Variants in KMT2D observed in about 807,000 individuals in gnomAD.
The protein encoded by KMT2D is lysine methyltransferase 2D.
Under a neutral mutation model 512.7 loss-of-function variants are expected in KMT2D, and 55 were observed. That is an observed-to-expected ratio of 0.11 (90% CI 0.09 to 0.13). KMT2D has a LOEUF of 0.13. KMT2D is among the 10% of genes least tolerant of loss of function. The probability of loss-of-function intolerance (pLI) is 1.00; values close to 1 mark genes in which losing one functional copy is unlikely to be tolerated. For missense variants in KMT2D, 6,061 were observed against 7,127.9 expected (o/e 0.85, Z 5.39); for synonymous variants, 2,995 against 2,904.0 (o/e 1.03, Z -1.01).
Position 49,026,277 on chromosome 12 carries a change from C to G in KMT2D, c.15689G>C (p.Cys5230Ser), listed in dbSNP as rs2137715091. 6.2e-7 allele frequency: 1 copy of G among 1,611,308 alleles called. No individual in the cohort carries two copies. Among genetic ancestry groups the G allele is most frequent in the Non-Finnish European group, 8.5e-7 (1 of 1,177,566 alleles). ...RTNNRRCCYR[C>S]SIGENNGRPE... ...CCGCCCGTTGTTCTCACCAATAGAA[C>G]AGCGATAGCAGCAGCGACGATTGTT... is the stretch of plus-strand genomic sequence containing the variant. Residue 5230 changes from cysteine (C) to serine (S), a missense_variant, in exon 49 of 55, where the codon TGT becomes TCT. Around this residue, in one of 16 missense-constraint regions of KMT2D, gnomAD observed 261 missense variants for 440.7 expected, o/e 0.59. Transcript: ENST00000301067. This position sits in a 1 kb window ranked among gnomAD's most constrained non-coding sequence, Gnocchi z 9.6.
Position 49,037,582 on chromosome 12 carries a change from C to T in KMT2D, c.9774G>A (p.Lys3258=). Residue 3258 remains lysine, a synonymous_variant, in exon 35 of 55, where the codon AAG becomes AAA. Coordinates refer to ENST00000301067, the MANE Select transcript of KMT2D (RefSeq NM_003482.4). Reference sequence around the variant, plus strand: ...AAAGCTGCTGCTTCTTCTGCAGCTCCTTCTTCTCATGCTCCAACAGGTCCT... The same window carrying T: ...AAAGCTGCTGCTTCTTCTGCAGCTCTTTCTTCTCATGCTCCAACAGGTCCT... The part of the protein sequence containing the change: ...LIEDLLEHEK[K]ELQKKQQLSA... The T allele has an allele frequency of 6.4e-7, 1 of 1,554,934 alleles. No individual in the cohort carries two copies. Among genetic ancestry groups the T allele is most frequent in the African/African-American group, 1.4e-5 (1 of 73,320 alleles).
At position 49,031,320 on chromosome 12, in the gene KMT2D, A is replaced by G; in HGVS notation, c.13385T>C (p.Leu4462Pro). The G allele has an allele frequency of 6.2e-7, 1 of 1,613,608 alleles. No individual in the cohort carries two copies. Among genetic ancestry groups the G allele is most frequent in the Non-Finnish European group, 8.5e-7 (1 of 1,179,896 alleles). Residue 4462 changes from leucine (L) to proline (P), a missense_variant, in exon 40 of 55, where the codon CTC becomes CCC. By Grantham distance (98) the Leu-to-Pro change is moderately conservative. This residue lies in a region of KMT2D where 1,600 missense variants were observed against 1,754.9 expected (regional missense o/e 0.91). Transcript: ENST00000301067. Reference protein sequence around the residue: ...AGPRSEAGHLLLQKLLRAKNV... With the variant: ...AGPRSEAGHLPLQKLLRAKNV... ...CTTTGCCCGGAGTAGCTTCTGCAAG[A>G]GCAGATGCCCAGCTTCTGAGCGAGG... is the stretch of plus-strand genomic sequence containing the variant.
Position 49,040,766 on chromosome 12 carries a change from G to A in KMT2D, c.7004C>T (p.Ala2335Val), listed in dbSNP as rs1174302539. The change falls in exon 32 of 55, where the codon GCA (alanine) becomes GTA (valine). Residue 2335 changes from alanine (A) to valine (V), a missense_variant. Coordinates refer to ENST00000301067, the MANE Select transcript of KMT2D (RefSeq NM_003482.4). ...CGGGCTCTGGGGCTCTACCTGAGAT[G>A]CCCGAGGGGTCAGGGGGGCTTTGAA... ...DVFKAPLTPR[A>V]SQVEPQSPGL... The A allele has an allele frequency of 1.2e-6, 2 of 1,613,428 alleles. No homozygotes were observed. The highest frequency in any genetic ancestry group is 1.3e-5 in the African/African-American group (1 of 74,876).
chr12:49,037,330 G>A lies in KMT2D; in HGVS notation c.10026C>T (p.Arg3342=), dbSNP rs769409474. 4 of 1,612,280 alleles carry A rather than the reference G, an allele frequency of 2.5e-6. No individual in the cohort carries two copies. The highest frequency in any genetic ancestry group is 3.4e-6 in the Non-Finnish European group (4 of 1,179,402). The change falls in exon 35 of 55, where the codon CGC becomes CGT. Residue 3342 remains arginine (R), a synonymous_variant. Transcript: ENST00000301067. The part of the protein sequence containing the change: ...TQPPAHALQQ[R]LAPSMAMVSN... The stretch of plus-strand genomic sequence containing the variant: ...ACACCATAGCCATGGATGGAGCCAG[G>A]CGTTGCTGGAGGGCATGAGCTGGTG...
Position 49,033,763 on chromosome 12 carries a change from G to T in KMT2D, c.10942C>A (p.Pro3648Thr), listed in dbSNP as rs777215324. Reference protein sequence around the residue: ...GHGLQPPQGPPGGQAGGLRLT... With the variant: ...GHGLQPPQGPTGGQAGGLRLT... ...CGAAGACCTCCGGCTTGCCCACCCG[G>T]AGGCCCCTGTGGTGGCTGCAGCCCA... The change falls in exon 40 of 55, where the codon CCG becomes ACG. Residue 3648 changes from proline (P) to threonine (T), a missense_variant. Transcript: ENST00000301067. 4 of 1,611,824 alleles carry T rather than the reference G, an allele frequency of 2.5e-6. No individual in the cohort carries two copies. Among genetic ancestry groups the T allele is most frequent in the Non-Finnish European group, 3.4e-6 (4 of 1,179,124 alleles).
In KMT2D at chr12:49,030,380, CGA is replaced by C; in HGVS notation, c.13897_13898del (p.Ser4633GlyfsTer13). The C allele has an allele frequency of 3.4e-6, 5 of 1,461,072 alleles. No individual in the cohort carries two copies. Among genetic ancestry groups the C allele is most frequent in the Non-Finnish European group, 3.8e-6 (4 of 1,057,038 alleles). The allele number at this position is 1,461,072 out of a possible 1,614,324, so 90.5% of individuals were successfully genotyped here. On this transcript the variant is annotated frameshift_variant, in exon 43 of 55. Coordinates refer to ENST00000301067, the MANE Select transcript of KMT2D (RefSeq NM_003482.4). LOFTEE classifies it high-confidence loss of function. ...PSSLPPTPPP[S>X]VQQKMVNGVT... ...CGCCATTCACCATCTTCTGCTGCAC[CGA>C]TGGGGGTGGGGTGGGGGGCAGCGAC...
At chr12:49,036,551 C>T (rs376156353) in intron 35 of KMT2D, among the ~76,000 whole-genome samples, 3 of 133,566 alleles carry the variant, frequency 2.2e-5, no homozygotes, top group Non-Finnish European at 4.6e-5. Context: ...TGCAATGAGG[C>T]GATCTCGGCT....
chr12:49,027,735 T>A (rs144156826), intron 48 of KMT2D, 68 bp downstream of exon 48: 1 of 1,540,894 alleles, frequency 6.5e-7, no homozygotes, highest in African/African-American at 1.4e-5. Context: ...ATTACAGATG[T>A]GAGCCACCGC....
In KMT2D at chr12:49,038,425, A is replaced by T. The variant is rs2120497090; in HGVS notation, c.8931T>A (p.Asn2977Lys). The change falls in exon 35 of 55, where the codon AAT becomes AAA. Residue 2977 changes from asparagine (N) to lysine (K), a missense_variant. Asn to Lys is a moderately conservative substitution (Grantham distance 94, BLOSUM62 0). Transcript: ENST00000301067. This position sits in a 1 kb window ranked among gnomAD's most constrained non-coding sequence, Gnocchi z 5.7. ...PPSSTELGRP[N>K]PLALEAGKLP... ...ACTTCCCAGCTTCCAGGGCCAGAGG[A>T]TTGGGGCGGCCAAGCTCAGTGCTCG... is the stretch of plus-strand genomic sequence containing the variant. The T allele has an allele frequency of 6.2e-7, 1 of 1,613,198 alleles. No individual in the cohort carries two copies. Among genetic ancestry groups the T allele is most frequent in the Non-Finnish European group, 8.5e-7 (1 of 1,179,406 alleles).
chr12:49,041,230 G>C lies in KMT2D; in HGVS notation c.6540C>G (p.Ala2180=), dbSNP rs369145706. The C allele has an allele frequency of 6.6e-7, 1 of 1,514,022 alleles. No individual in the cohort carries two copies. Among genetic ancestry groups the C allele is most frequent in the East Asian group, 2.3e-5 (1 of 43,800 alleles). 93.8% of individuals were successfully genotyped at this position (1,514,022 alleles called of 1,614,324 possible). A position where few individuals can be genotyped will look rare whatever the true frequency, so the allele number is the denominator to read the frequency against. The change falls in exon 32 of 55, where the codon GCC becomes GCG. Residue 2180 remains alanine, a synonymous_variant. Coordinates refer to ENST00000301067, the MANE Select transcript of KMT2D (RefSeq NM_003482.4). The surrounding 1 kb of genome is among the most constrained non-coding windows in gnomAD (Gnocchi z 5.4). ...QVPSQDPFGL[A]PAYPLEPRFP... is the part of the protein sequence containing the mutation. ...AGCGGGGCTCCAGGGGATAGGCAGG[G>C]GCCAGTCCAAAGGGGTCCTGCGAAG... is the stretch of plus-strand genomic sequence containing the variant.
rs372520829 is a variant in KMT2D, at chr12:49,039,764, A to G, written c.8006T>C (p.Met2669Thr). The change falls in exon 32 of 55, where the codon ATG (methionine) becomes ACG (threonine). Residue 2669 changes from methionine (M) to threonine (T), a missense_variant. By Grantham distance (81) the Met-to-Thr change is moderately conservative. Transcript: ENST00000301067. The surrounding 1 kb of genome is among the most constrained non-coding windows in gnomAD (Gnocchi z 5.0). ...CAGCTCTGTTTGGCTAAGGCCGGAC[A>G]TGCCTGGGTCCTGGGTACCTGGGAG... ...AELPGTQDPG[M>T]SGLSQTELEK... The G allele has an allele frequency of 1.2e-6, 2 of 1,613,852 alleles. No individual in the cohort carries two copies. The highest frequency in any genetic ancestry group is 1.7e-6 in the Non-Finnish European group (2 of 1,179,880).
intron 1 of KMT2D, among the ~76,000 whole-genome samples, chr12:49,059,382 C>G (rs1938602427): frequency 1.3e-5 from 2 of 152,240 alleles, no homozygotes; most frequent in African/African-American, 4.8e-5. Flanking sequence ...TTCCCAAACT[C>G]CCGTGGTTCC....
In KMT2D at chr12:49,040,880, G is replaced by A. The variant is rs778904794; in HGVS notation, c.6890C>T (p.Pro2297Leu). The change falls in exon 32 of 55, where the codon CCT (proline) becomes CTT (leucine). Residue 2297 changes from proline to leucine, a missense_variant. Pro to Leu is a moderately conservative substitution (Grantham distance 98, BLOSUM62 -3). Coordinates refer to ENST00000301067, the MANE Select transcript of KMT2D (RefSeq NM_003482.4). ...GCCCAGGTTTGGGGGCCCATAGCTAGGAGAGGATGCCCCAAGCTCTTCCTT... is the reference window on the plus strand; with the variant it reads ...GCCCAGGTTTGGGGGCCCATAGCTAAGAGAGGATGCCCCAAGCTCTTCCTT... Reference protein sequence around the residue: ...VKKEELGASSPSYGPPNLGFV... With the variant: ...VKKEELGASSLSYGPPNLGFV... 2 of 1,613,874 alleles carry A rather than the reference G, an allele frequency of 1.2e-6. No individual in the cohort carries two copies. Among genetic ancestry groups the A allele is most frequent in the Non-Finnish European group, 8.5e-7 (1 of 1,179,788 alleles).
In KMT2D at chr12:49,022,764, G is replaced by A. The variant is rs767573410; in HGVS notation, c.16164C>T (p.Tyr5388=). The change falls in exon 52 of 55, where the codon TAC becomes TAT. Residue 5388 remains tyrosine, a synonymous_variant. Coordinates refer to ENST00000301067, the MANE Select transcript of KMT2D (RefSeq NM_003482.4). This position sits in a 1 kb window ranked among gnomAD's most constrained non-coding sequence, Gnocchi z 8.6. The part of the protein sequence containing the change: ...KQFVHSKSSQ[Y]RRLRTEWKNN... Reference sequence around the variant, plus strand: ...TCTTCCATTCGGTGCGCAGCCGCCGGTACTGAGATGACTTGGAGTGCACAA... The same window carrying A: ...TCTTCCATTCGGTGCGCAGCCGCCGATACTGAGATGACTTGGAGTGCACAA... 2.5e-6 allele frequency: 4 copies of A among 1,613,902 alleles called. No homozygotes were observed. The African/African-American group carries it at 4.0e-5, about 16-fold the overall frequency.
At chr12:49,048,496 G>A (rs1416925389) in intron 14 of KMT2D, among the ~76,000 whole-genome samples, 163 bp downstream of exon 14, 1 of 152,234 alleles carries the variant, frequency 6.6e-6, no homozygotes, top group Admixed American at 6.5e-5. Flanking sequence ...ATACTCAAGA[G>A]AAATGTGATG....
chr12:49,041,815 G>A lies in KMT2D; in HGVS notation c.6183+102C>T. The A allele has an allele frequency of 6.6e-7, 1 of 1,519,578 alleles. No individual in the cohort carries two copies. 94.1% of individuals were successfully genotyped at this position (1,519,578 alleles called of 1,614,324 possible). On this transcript the variant is annotated intron_variant, in intron 30 of 54. Transcript: ENST00000301067. This position sits in a 1 kb window ranked among gnomAD's most constrained non-coding sequence, Gnocchi z 5.4. ...CCAGAAGCAGATCCCTTCTGGCCCAGCTGCTTTAGGAGTGGGGAGCGGAAA... is the reference window on the plus strand; with the variant it reads ...CCAGAAGCAGATCCCTTCTGGCCCAACTGCTTTAGGAGTGGGGAGCGGAAA...
Position 49,019,230 on chromosome 12 carries a change from A to C in KMT2D, c.*2550T>G. The C allele has an allele frequency of 1.1e-6, 1 of 927,940 alleles. No individual in the cohort carries two copies. The highest frequency in any genetic ancestry group is 1.3e-6 in the Non-Finnish European group (1 of 753,014). 57.5% of individuals were successfully genotyped at this position (927,940 alleles called of 1,614,324 possible). On this transcript the variant is annotated 3_prime_UTR_variant, in exon 55 of 55. Transcript: ENST00000301067. ...ACACACAACACAAAATAAAGTCTTC[A>C]CGGGATTCACACTTGTCAGCGATTT...
chr12:49,034,604 T>C lies in KMT2D; in HGVS notation c.10418A>G (p.His3473Arg). ...TACCTGGCCACTCCCAGCTGCCACA[T>C]GGTTCTGCAGATCACTGCTAGGTCC... ...SGGPSSDLQN[H>R]VAAGSGQERS... The change falls in exon 37 of 55, where the codon CAT becomes CGT. Residue 3473 changes from histidine (H) to arginine (R), a missense_variant. Around this residue, in one of 16 missense-constraint regions of KMT2D, gnomAD observed 533 missense variants for 539.6 expected, o/e 0.99. Coordinates refer to ENST00000301067, the MANE Select transcript of KMT2D (RefSeq NM_003482.4). The C allele has an allele frequency of 6.2e-7, 1 of 1,613,488 alleles. No individual in the cohort carries two copies.
Position 49,034,472 on chromosome 12 carries a change from C to T in KMT2D, c.10445G>A (p.Arg3482Gln), listed in dbSNP as rs371223664. 58 of 1,613,512 alleles carry T rather than the reference C, an allele frequency of 3.6e-5. No individual in the cohort carries two copies. The highest frequency in any genetic ancestry group is 2.3e-4 in the African/African-American group (17 of 74,860). ...AGGCTGGGAGGGATCACCAGCACTC[C>T]GCTCCTGCAATGAGAGAGGCTGCTA... ...NHVAAGSGQERSAGDPSQPRP... is the reference protein window; with the variant it reads ...NHVAAGSGQEQSAGDPSQPRP... Residue 3482 changes from arginine to glutamine, a missense_variant, in exon 38 of 55, where the codon CGG (arginine) becomes CAG (glutamine). This residue lies in a region of KMT2D where 533 missense variants were observed against 539.6 expected (regional missense o/e 0.99). Transcript: ENST00000301067.
Sources: gnomAD v4.1 joint callset for allele counts (sites outside exome capture counted in the v4.1 genomes callset) on GRCh38, gnomAD v4.1.1 for gene constraint, gnomAD v4.1.1 regional missense constraint, Gnocchi (gnomAD v3.1) non-coding constraint, MANE v1.5 for transcripts, NCBI Gene and HGNC (gene_info 2026-07-23, HGNC 2026-07-21) for gene names.